The following GRM8 variants were observed in gnomAD, a reference collection of about 807,000 sequenced individuals.
The protein encoded by GRM8 is glutamate metabotropic receptor 8, also known as metabotropic glutamate receptor 8.
GRM8 carries 47 observed loss-of-function variants against 87.2 expected under a neutral mutation model. The observed-to-expected ratio is 0.54, with a 90% CI of 0.43 to 0.69. The LOEUF is 0.69. Ranked by LOEUF, GRM8 falls within the 30% of genes least tolerant of loss-of-function variation. The pLI, the probability that GRM8 is intolerant of heterozygous loss-of-function variation, is 0.00. For synonymous variants in GRM8, 396 were observed against 404.5 expected (o/e 0.98, Z 0.25); for missense variants, 1,019 against 1,139.2 (o/e 0.89, Z 1.52).
intron 7 of GRM8, among the ~76,000 whole-genome samples, chr7:126,747,178 A>T (rs1329060709): frequency 6.6e-6 from 1 of 152,024 alleles, no homozygotes; most frequent in African/African-American, 2.4e-5. Context: ...GCCTGGTTAC[A>T]AGAGGATAGC....
chr7:127,136,159 A>G (rs1827935677), intron 2 of GRM8, among the ~76,000 whole-genome samples: 1 of 152,172 alleles, frequency 6.6e-6, no homozygotes. Context: ...AATAACATGA[A>G]TGTCACAGAA....
intron 9 of GRM8, among the ~76,000 whole-genome samples, chr7:126,456,325 ACAGAAATCTTTAGACAGACCTGT>A (rs1297744653): frequency 1.3e-5 from 2 of 151,396 alleles, no homozygotes; most frequent in East Asian, 3.9e-4. Context: ...CATAGGAAAG[ACAGAAATCTTTAGACAGACCTGT>A]CAGCAGTCTC....
intron 8 of GRM8, among the ~76,000 whole-genome samples, chr7:126,607,539 G>C (rs1798477586): frequency 6.6e-6 from 1 of 152,144 alleles, no homozygotes; most frequent in Admixed American, 6.5e-5. Context: ...CACTCTCACA[G>C]TATTATGGTA....
rs909469546 is a variant in GRM8, at chr7:126,704,364, G to T, written c.1357+65501C>A. Among the ~76,000 whole-genome samples, 6 of 152,058 alleles carry T rather than the reference G, an allele frequency of 3.9e-5. No homozygotes were observed. The South Asian group carries it at 8.3e-4, about 21-fold the overall frequency. ...CCCATCATTTTCATAAATTGAGGAG[G>T]ATGTATGTCACCTCAGTACCCTGTG... On this transcript the variant is annotated intron_variant, in intron 7 of 10. Transcript: ENST00000339582.
intron 1 of GRM8, among the ~76,000 whole-genome samples, chr7:127,250,107 C>A (rs1170092252): frequency 1.3e-5 from 2 of 152,204 alleles, no homozygotes; most frequent in Non-Finnish European, 2.9e-5. Context: ...GCCCTGAAGA[C>A]AATGGAACAT....
chr7:126,740,537 G>A (rs1415739006), intron 7 of GRM8, among the ~76,000 whole-genome samples: 1 of 152,070 alleles, frequency 6.6e-6, no homozygotes, highest in Non-Finnish European at 1.5e-5. Context: ...AGGGAAATCT[G>A]TGCTGATAAC....
chr7:126,677,442 G>A (rs1807092789), intron 7 of GRM8, among the ~76,000 whole-genome samples: 1 of 151,334 alleles, frequency 6.6e-6, no homozygotes, highest in Admixed American at 6.6e-5. Flanking sequence ...CAAAGATACG[G>A]ACTCAACCTA....
intron 7 of GRM8, among the ~76,000 whole-genome samples, chr7:126,618,585 C>T (rs1799778120): frequency 6.6e-6 from 1 of 152,138 alleles, no homozygotes; most frequent in African/African-American, 2.4e-5. Flanking sequence ...TCAGAGTGAA[C>T]AGGCAACCTA....
chr7:126,635,558 A>G (rs1229555787), intron 7 of GRM8, among the ~76,000 whole-genome samples: 2 of 152,118 alleles, frequency 1.3e-5, no homozygotes, highest in Admixed American at 1.3e-4. Context: ...CACAAAATGT[A>G]TTCTTTCAGA....
intron 8 of GRM8, among the ~76,000 whole-genome samples, chr7:126,548,666 C>T (rs1387782743): frequency 6.6e-6 from 1 of 152,146 alleles, no homozygotes; most frequent in African/African-American, 2.4e-5. Context: ...GATAATTCCT[C>T]ATTTCCTATG....
At chr7:126,521,751 C>T (rs540263736) in intron 9 of GRM8, among the ~76,000 whole-genome samples, 2 of 151,954 alleles carry the variant, frequency 1.3e-5, no homozygotes, top group African/African-American at 2.4e-5. Flanking sequence ...AATATAAAAT[C>T]CATTTAACTT....
chr7:126,759,755 C>A (rs999576589), intron 7 of GRM8, among the ~76,000 whole-genome samples: 1 of 152,128 alleles, frequency 6.6e-6, no homozygotes, highest in Non-Finnish European at 1.5e-5. Context: ...CCCAAGCAGT[C>A]TAAATATTCT....
intron 3 of GRM8, among the ~76,000 whole-genome samples, chr7:126,979,527 C>G (rs562591863): frequency 1.3e-5 from 2 of 152,104 alleles, no homozygotes; most frequent in Non-Finnish European, 2.9e-5. Flanking sequence ...GAGCCTAGTC[C>G]GTCTTTTAAT....
intron 10 of GRM8, among the ~76,000 whole-genome samples, chr7:126,442,934 T>C (rs531860219): frequency 1.3e-5 from 2 of 152,138 alleles, no homozygotes; most frequent in East Asian, 3.9e-4. Flanking sequence ...GGATGGCAGA[T>C]ACCTCGCAAG....
At chr7:126,912,168 G>T (rs1329605651) in intron 3 of GRM8, among the ~76,000 whole-genome samples, 1 of 152,098 alleles carries the variant, frequency 6.6e-6, no homozygotes, top group Non-Finnish European at 1.5e-5. Context: ...CTGCACTCCA[G>T]CCTGGGCAAC....
intron 9 of GRM8, among the ~76,000 whole-genome samples, chr7:126,490,614 G>A (rs945834355): frequency 1.3e-5 from 2 of 151,976 alleles, no homozygotes; most frequent in African/African-American, 4.8e-5. Context: ...TGTTTCAGAG[G>A]TCTTAGGAGA....
At position 126,613,373 on chromosome 7, in the gene GRM8, A is replaced by T. The variant is rs530120215; in HGVS notation, c.1358-3875T>A. ...ATCAAGGTTTAATAACAACACAGGT[A>T]AGAAATATAACTTTGACAGAGTGGG... is the stretch of plus-strand genomic sequence containing the variant. On this transcript the variant is annotated intron_variant, in intron 7 of 10. Coordinates refer to ENST00000339582, the MANE Select transcript of GRM8 (RefSeq NM_000845.3). 9.5e-4 allele frequency among the ~76,000 whole-genome samples: 145 copies of T among 152,298 alleles called. 5 individuals carry two copies. The highest frequency in any genetic ancestry group is 4.3e-4 in the Non-Finnish European group (29 of 68,008).
chr7:126,661,606 G>A (rs1371313924), intron 7 of GRM8, among the ~76,000 whole-genome samples: 2 of 152,174 alleles, frequency 1.3e-5, no homozygotes, highest in African/African-American at 4.8e-5. Context: ...CACCTGAAGA[G>A]CCTGAGAATG....
chr7:127,236,680 C>T (rs1417727289), intron 2 of GRM8, among the ~76,000 whole-genome samples: 1 of 152,084 alleles, frequency 6.6e-6, no homozygotes, highest in Non-Finnish European at 1.5e-5. Flanking sequence ...GACACAAAGC[C>T]TAAACATATT....
Sources: allele counts gnomAD v4.1 joint callset (sites outside exome capture counted in the v4.1 genomes callset), GRCh38; gene constraint gnomAD v4.1.1; transcripts MANE v1.5; gene names NCBI Gene and HGNC (gene_info 2026-07-23, HGNC 2026-07-21).